PARD3B: variants seen among roughly 807,000 people sequenced by gnomAD.
PARD3B encodes par-3 family cell polarity regulator beta, also known as partitioning defective 3 homolog B.
In PARD3B, 103 loss-of-function variants were observed where a neutral mutation model predicts 130.2. The ratio of observed to expected loss-of-function variants is 0.79; its 90% CI spans 0.67 to 0.93. The LOEUF is 0.93. Among genes scored for constraint, PARD3B ranks in the 40% least tolerant of loss-of-function variants. The probability of loss-of-function intolerance (pLI) is 0.00; values close to 1 mark genes in which losing one functional copy is unlikely to be tolerated. For synonymous variants in PARD3B, 583 were observed against 553.2 expected, an observed-to-expected ratio of 1.05 and a Z score of -0.76; for missense variants, 1,609 against 1,499.2, an observed-to-expected ratio of 1.07 and a Z score of -1.21.
intron 18 of PARD3B, among the ~76,000 whole-genome samples, chr2:205,380,715 T>C (rs2045350619): frequency 9.8e-6 from 1 of 101,646 alleles, no homozygotes. Context: ...ATATACATTA[T>C]ATATACTATA....
chr2:204,560,226 G>A (rs1436362410), intron 1 of PARD3B, among the ~76,000 whole-genome samples: 2 of 152,180 alleles, frequency 1.3e-5, no homozygotes, highest in Non-Finnish European at 1.5e-5. Flanking sequence ...GTCTCAGTCA[G>A]ACTTCCAATT....
At chr2:205,079,975 A>G (rs1701305699) in intron 4 of PARD3B, among the ~76,000 whole-genome samples, 1 of 152,202 alleles carries the variant, frequency 6.6e-6, no homozygotes, top group Non-Finnish European at 1.5e-5. Context: ...GTATAGAATT[A>G]GAACTTTTCA....
At chr2:205,148,344 C>A (rs2125689241) in intron 10 of PARD3B, among the ~76,000 whole-genome samples, 2 of 152,278 alleles carry the variant, frequency 1.3e-5, no homozygotes, top group Middle Eastern at 6.8e-3. Context: ...GCTCATCTCT[C>A]ATCTTTTTCT....
At chr2:205,382,141 T>C (rs2045474346) in intron 18 of PARD3B, among the ~76,000 whole-genome samples, 1 of 152,050 alleles carries the variant, frequency 6.6e-6, no homozygotes, top group African/African-American at 2.4e-5. Flanking sequence ...ATTAATGTCC[T>C]TTTTCTGTTT....
chr2:205,085,121 T>C (rs539044469), intron 4 of PARD3B, among the ~76,000 whole-genome samples: 14 of 152,204 alleles, frequency 9.2e-5, no homozygotes, highest in Admixed American at 8.5e-4. Flanking sequence ...ATTAGGAGGC[T>C]ACGTTGTTAG....
chr2:205,615,465 C>T lies in PARD3B; in HGVS notation c.3270C>T (p.Pro1090=), dbSNP rs185126128. 20 of 1,596,436 alleles carry T rather than the reference C, an allele frequency of 1.3e-5. No individual in the cohort carries two copies. The highest frequency in any genetic ancestry group is 1.7e-4 in the Middle Eastern group (1 of 5,946). ...CTTCTTCTCTTTCCAGGGGAGGACC[C>T]GCAGATCCTGTAGACTATCTGCCAG... is the stretch of plus-strand genomic sequence containing the variant. ...RQYASLPRGG[P]ADPVDYLPAA... The change falls in exon 23 of 23, where the codon CCC becomes CCT. Residue 1090 remains proline, a synonymous_variant. Coordinates refer to ENST00000406610, the MANE Select transcript of PARD3B (RefSeq NM_001302769.2).
rs908425917 is a variant in PARD3B at position 205,562,383 on chromosome 2, C to A, written c.3260+8980C>A. On this transcript the variant is annotated intron_variant, in intron 22 of 22. Coordinates refer to ENST00000406610, the MANE Select transcript of PARD3B (RefSeq NM_001302769.2). This position sits in a 1 kb window ranked among gnomAD's most constrained non-coding sequence, Gnocchi z 5.4. ...GTTTTAACTGAATCTTGATGAACCA[C>A]ATACATTAAATTCTATAGGTTTTTT... Among the ~76,000 whole-genome samples the A allele has an allele frequency of 3.3e-5, 5 of 152,218 alleles. No individual in the cohort carries two copies. The highest frequency in any genetic ancestry group is 1.5e-5 in the Non-Finnish European group (1 of 68,036).
intron 12 of PARD3B, among the ~76,000 whole-genome samples, chr2:205,175,555 T>TCTTCC (rs2035420015): frequency 6.6e-6 from 1 of 152,256 alleles, no homozygotes; most frequent in Non-Finnish European, 1.5e-5. Context: ...AATGCTATAC[T>TCTTCC]CAGAAGAGCT....
intron 16 of PARD3B, among the ~76,000 whole-genome samples, chr2:205,250,843 C>T (rs1015964043): frequency 2.6e-5 from 4 of 152,124 alleles, no homozygotes; most frequent in East Asian, 1.9e-4. Context: ...GCAAGAGAAT[C>T]GCTTGAACCC....
At chr2:205,202,407 G>A (rs112655556) in intron 15 of PARD3B, among the ~76,000 whole-genome samples, 2,351 of 152,112 alleles carry the variant, frequency 0.015, 46 homozygotes, top group African/African-American at 0.039. Context: ...GCATTCCCTA[G>A]GAAACATACT....
At chr2:205,314,290 ACT>A (rs1169416893) in intron 18 of PARD3B, among the ~76,000 whole-genome samples, 1 of 152,222 alleles carries the variant, frequency 6.6e-6, no homozygotes, top group Non-Finnish European at 1.5e-5. Context: ...AGAATGAGAC[ACT>A]GAGAAGTGAA....
chr2:205,485,371 C>G (rs1272333525), intron 20 of PARD3B, among the ~76,000 whole-genome samples: 1 of 152,134 alleles, frequency 6.6e-6, no homozygotes, highest in Non-Finnish European at 1.5e-5. Context: ...TCCCATTTCC[C>G]CCATCTCCAG....
intron 2 of PARD3B, among the ~76,000 whole-genome samples, chr2:204,816,143 C>A (rs1208042676): frequency 6.6e-6 from 1 of 151,946 alleles, no homozygotes; most frequent in Non-Finnish European, 1.5e-5. Context: ...AAGCACTTTA[C>A]ATACAGTATA....
chr2:205,459,414 G>T (rs752200447), intron 20 of PARD3B, among the ~76,000 whole-genome samples: 27 of 151,976 alleles, frequency 1.8e-4, no homozygotes, highest in Non-Finnish European at 3.2e-4. Flanking sequence ...TTAATGTTAA[G>T]TGTTGACAAC....
intron 4 of PARD3B, among the ~76,000 whole-genome samples, chr2:205,070,059 C>A (rs182390473): frequency 1.3e-5 from 2 of 152,138 alleles, no homozygotes; most frequent in East Asian, 3.9e-4. Context: ...GAACCTATAC[C>A]TTCTCTTCTT....
At chr2:205,389,013 G>A (rs577654155) in intron 18 of PARD3B, among the ~76,000 whole-genome samples, 7 of 152,290 alleles carry the variant, frequency 4.6e-5, no homozygotes, top group East Asian at 1.9e-4. Context: ...TTTAAGAAAC[G>A]AATGGAGATC....
At chr2:204,560,184 A>G (rs751866612) in intron 1 of PARD3B, among the ~76,000 whole-genome samples, 13 of 152,216 alleles carry the variant, frequency 8.5e-5, no homozygotes, top group Non-Finnish European at 1.5e-4. Flanking sequence ...ACTTAAAAGT[A>G]TAATAGTAAA....
At chr2:204,750,894 T>C (rs2040440159) in intron 2 of PARD3B, among the ~76,000 whole-genome samples, 2 of 152,184 alleles carry the variant, frequency 1.3e-5, no homozygotes, top group Admixed American at 1.3e-4. Flanking sequence ...GGCTTTACAT[T>C]TTTTTAAAAA....
Position 205,121,673 on chromosome 2 carries a change from GAA to G in PARD3B, c.892_893del (p.Lys298ValfsTer7). ...TCCTCCACAAAACCGTGAACAGTAT[GAA>G]AAGTCAGTCATTGGCTCTCTTAACA... ...VLPPQNREQY[E>X]KSVIGSLNIF... On this transcript the variant is annotated frameshift_variant, in exon 8 of 23. Transcript: ENST00000406610. LOFTEE classifies it high-confidence loss of function. The surrounding 1 kb of genome is among the most constrained non-coding windows in gnomAD (Gnocchi z 5.0). 6.2e-7 allele frequency: 1 copy of G among 1,614,172 alleles called. No individual in the cohort carries two copies.
Sources: allele counts gnomAD v4.1 joint callset (sites outside exome capture counted in the v4.1 genomes callset), GRCh38; gene constraint gnomAD v4.1.1; non-coding constraint Gnocchi (gnomAD v3.1); transcripts MANE v1.5; gene names NCBI Gene and HGNC (gene_info 2026-07-23, HGNC 2026-07-21).